ALDH6A1: variants seen among roughly 807,000 people sequenced by gnomAD.
ALDH6A1 encodes methylmalonate-semialdehyde/malonate-semialdehyde dehydrogenase [acylating], mitochondrial.
ALDH6A1 carries 43 observed loss-of-function variants against 62.6 expected under a neutral mutation model. The observed-to-expected ratio is 0.69, with a 90% CI of 0.54 to 0.89. ALDH6A1 has a LOEUF of 0.89. Ranked by LOEUF, ALDH6A1 falls within the 40% of genes least tolerant of loss-of-function variation. The pLI is 0.00. For missense variants in ALDH6A1, 551 were observed against 661.3 expected (o/e 0.83, Z 1.83); for synonymous variants, 194 against 234.2 (o/e 0.83, Z 1.57).
intron 5 of ALDH6A1, 85 bp from the exon 6 acceptor site, chr14:74,071,582 AGTG>A: frequency 6.2e-7 from 1 of 1,608,304 alleles, no homozygotes; most frequent in Non-Finnish European, 8.5e-7. Flanking sequence ...GAGGACAGGA[AGTG>A]GTTCAGGCCA....
intron 1 of ALDH6A1, chr14:74,078,102 C>T: frequency 4.7e-6 from 2 of 429,480 alleles, no homozygotes; most frequent in East Asian, 1.4e-4. Flanking sequence ...TGTTTATTTT[C>T]ACTCTTTGCT....
intron 1 of ALDH6A1, among the ~76,000 whole-genome samples, chr14:74,076,649 G>C (rs1458550591): frequency 6.6e-6 from 1 of 152,148 alleles, no homozygotes; most frequent in African/African-American, 2.4e-5. Flanking sequence ...CTTTTCTCCT[G>C]CCTCAGCCTC....
rs1414497274 is a variant in ALDH6A1, at chr14:74,056,880, T to A, written c.*3762A>T. 1 of 1,535,050 alleles carries A rather than the reference T, an allele frequency of 6.5e-7. No homozygotes were observed. The highest frequency in any genetic ancestry group is 1.4e-5 in the African/African-American group (1 of 73,354). The stretch of plus-strand genomic sequence containing the variant: ...TGAGGAGACACTGCCTCATTCATTA[T>A]CTTTGTTGACTTTTACCCACTACAG... On this transcript the variant is annotated 3_prime_UTR_variant, in exon 12 of 12. Transcript: ENST00000553458.
At chr14:74,078,796 T>A (rs10150622) in intron 1 of ALDH6A1, among the ~76,000 whole-genome samples, 1 of 151,808 alleles carries the variant, frequency 6.6e-6, no homozygotes, top group African/African-American at 2.4e-5. Flanking sequence ...CCCAAAGTGC[T>A]GGGATTACAG....
At chr14:74,069,169 A>C in intron 6 of ALDH6A1, 188 bp from the exon 7 acceptor site, 1 of 529,130 alleles carries the variant, frequency 1.9e-6, no homozygotes, top group South Asian at 2.0e-5. Flanking sequence ...CAGTGGCACA[A>C]TTTCGGCTCA....
intron 4 of ALDH6A1, 75 bp from the exon 5 acceptor site, chr14:74,072,049 AT>A (rs1249606526): frequency 6.3e-7 from 1 of 1,574,890 alleles, no homozygotes; most frequent in African/African-American, 1.4e-5. Flanking sequence ...CAAAGGAAGA[AT>A]AAGACTGGAG....
chr14:74,080,044 AC>A (rs1169576684), intron 1 of ALDH6A1, among the ~76,000 whole-genome samples: 13 of 152,086 alleles, frequency 8.5e-5, no homozygotes, highest in Non-Finnish European at 1.6e-4. Context: ...TCTTAAAAAA[AC>A]AAAAACCAAA....
chr14:74,079,464 C>A (rs1033418034), intron 1 of ALDH6A1, among the ~76,000 whole-genome samples: 4 of 147,272 alleles, frequency 2.7e-5, no homozygotes, highest in African/African-American at 1.0e-4. Flanking sequence ...GACAGAGTCT[C>A]ACTCTGTCGC....
Position 74,064,314 on chromosome 14 carries a change from AT to A in ALDH6A1, c.1503+507del, listed in dbSNP as rs950129393. The stretch of plus-strand genomic sequence containing the variant: ...CTGTGTCTCAAAAAAAAAAAAAATA[AT>A]AATAATAATAGTAATAATAATGTCT... On this transcript the variant is annotated intron_variant, in intron 11 of 11. Coordinates refer to ENST00000553458, the MANE Select transcript of ALDH6A1 (RefSeq NM_005589.4). Among the ~76,000 whole-genome samples, 74 of 144,002 alleles carry A rather than the reference AT, an allele frequency of 5.1e-4. 1 individual carries two copies. In the East Asian group the frequency reaches 8.5e-3, roughly 16 times the overall value. 94.5% of individuals were successfully genotyped at this position (144,002 alleles called of 152,430 possible).
At chr14:74,084,205 A>C in intron 1 of ALDH6A1, 142 bp downstream of exon 1, 1 of 1,259,146 alleles carries the variant, frequency 7.9e-7, no homozygotes, top group Non-Finnish European at 1.1e-6. Flanking sequence ...TGGGCATGGG[A>C]CAGGGCCGCA....
Position 74,068,936 on chromosome 14 carries a change from A to G in ALDH6A1, c.776T>C (p.Phe259Ser). The G allele has an allele frequency of 1.9e-6, 3 of 1,614,028 alleles. No homozygotes were observed. Among genetic ancestry groups the G allele is most frequent in the East Asian group, 2.2e-5 (1 of 44,866 alleles). The change falls in exon 7 of 12, where the codon TTT (phenylalanine) becomes TCT (serine). Residue 259 changes from phenylalanine to serine, a missense_variant. Physicochemically the swap from Phe to Ser is radical, Grantham distance 155. Coordinates refer to ENST00000553458, the MANE Select transcript of ALDH6A1 (RefSeq NM_005589.4). ...CDHPDIKAIS[F>S]VGSNKAGEYI... ...CTCTCCTGCCTTGTTGGATCCCACA[A>G]AGCTGATTGCTTTGATGTCCGGATG...
At chr14:74,074,908 T>C (rs1443326677) in intron 2 of ALDH6A1, 47 bp downstream of exon 2, 1 of 1,576,868 alleles carries the variant, frequency 6.3e-7, no homozygotes, top group African/African-American at 1.3e-5. Flanking sequence ...CCCAAAACTA[T>C]ACTGAATTCC....
At position 74,080,368 on chromosome 14, in the gene ALDH6A1, C is replaced by CTTT. The variant is rs35450547; in HGVS notation, c.48+3976_48+3978dup. ...CTCAGCCTCTAATGTTAAACTCTTT[C>CTTT]TTTTTTTTTTTTTTTTTGAGACAGA... On this transcript the variant is annotated intron_variant, in intron 1 of 11. Transcript: ENST00000553458. Among the ~76,000 whole-genome samples the CTTT allele has an allele frequency of 2.5e-3, 328 of 128,966 alleles. 8 individuals carry two copies. Among genetic ancestry groups the CTTT allele is most frequent in the Middle Eastern group, 8.5e-3 (2 of 234 alleles). The allele number at this position is 128,966 out of a possible 152,430, so 84.6% of individuals were successfully genotyped here.
intron 1 of ALDH6A1, among the ~76,000 whole-genome samples, chr14:74,076,446 CT>C (rs1188457861): frequency 2.0e-5 from 3 of 152,184 alleles, no homozygotes; most frequent in Non-Finnish European, 2.9e-5. Context: ...ACTGCAACCT[CT>C]GCCTCCCGTG....
intron 5 of ALDH6A1, 60 bp from the exon 6 acceptor site, chr14:74,071,557 G>T (rs1406584528): frequency 6.2e-7 from 1 of 1,611,570 alleles, no homozygotes; most frequent in African/African-American, 1.3e-5. Context: ...GCTTTGTCCT[G>T]TTCTCTTCAG....
chr14:74,065,055 G>A, intron 10 of ALDH6A1, 126 bp downstream of exon 10: 6 of 1,398,388 alleles, frequency 4.3e-6, no homozygotes, highest in Non-Finnish European at 5.0e-6. Context: ...CATTCCTGAG[G>A]AAGAAATGGG....
rs772200444 is a variant in ALDH6A1 at position 74,066,934 on chromosome 14, T to C, written c.1043-48A>G. ...TTAAGGTCCTCATTAACATAAATTA[T>C]GACTGCTGCCAGGGCTCATGCCTGT... On this transcript the variant is annotated intron_variant, in intron 8 of 11. Coordinates refer to ENST00000553458, the MANE Select transcript of ALDH6A1 (RefSeq NM_005589.4). 15 of 1,563,554 alleles carry C rather than the reference T, an allele frequency of 9.6e-6. No individual in the cohort carries two copies. The East Asian group carries it at 3.4e-4, about 35-fold the overall frequency.
chr14:74,069,139 C>T (rs1357381854), intron 6 of ALDH6A1, 158 bp from the exon 7 acceptor site: 11 of 750,676 alleles, frequency 1.5e-5, no homozygotes, highest in African/African-American at 2.2e-5. Context: ...GAGTCTCGCT[C>T]TGTTGCCCAG....
At position 74,071,269 on chromosome 14, in the gene ALDH6A1, A is replaced by G; in HGVS notation, c.656T>C (p.Met219Thr). ...KPSERVPGAT[M>T]LLAKLLQDSG... ...ATCCTGGAGCAACTTAGCAAGAAGCATAGTTGCTCCAGGGACTCGCTCAGA... is the reference window on the plus strand; with the variant it reads ...ATCCTGGAGCAACTTAGCAAGAAGCGTAGTTGCTCCAGGGACTCGCTCAGA... Residue 219 changes from methionine (M) to threonine (T), a missense_variant, in exon 6 of 12, where the codon ATG becomes ACG. Met to Thr is a moderately conservative substitution (Grantham distance 81). Coordinates refer to ENST00000553458, the MANE Select transcript of ALDH6A1 (RefSeq NM_005589.4). 1 of 1,614,206 alleles carries G rather than the reference A, an allele frequency of 6.2e-7. No individual in the cohort carries two copies. The highest frequency in any genetic ancestry group is 8.5e-7 in the Non-Finnish European group (1 of 1,180,034).
Sources: gnomAD v4.1 joint callset for allele counts (sites outside exome capture counted in the v4.1 genomes callset) on GRCh38, gnomAD v4.1.1 for gene constraint, MANE v1.5 for transcripts, NCBI Gene and HGNC (gene_info 2026-07-23, HGNC 2026-07-21) for gene names.